PCYOX1: variants seen among roughly 807,000 people sequenced by gnomAD.
The protein encoded by PCYOX1 is prenylcysteine oxidase 1.
PCYOX1 carries 46 observed loss-of-function variants against 46.4 expected under a neutral mutation model. That is an observed-to-expected ratio of 0.99 (90% CI 0.78 to 1.27). The LOEUF is 1.27. PCYOX1 is among the 50% of genes most tolerant of loss of function. PCYOX1 has a pLI of 0.00. For missense variants in PCYOX1, 658 were observed against 628.3 expected (o/e 1.05, Z -0.51); for synonymous variants, 220 against 231.8 (o/e 0.95, Z 0.46).
rs147753874 is a variant in PCYOX1 at position 70,275,659 on chromosome 2, G to C, written c.852G>C (p.Lys284Asn). ...ACATCGAGGAGAAAACAAAGACCAA[G>C]TACACAGGTAAGCTTGAATTTCTTA... ...VMYIEEKTKT[K>N]YTGNPTKMYE... The change falls in exon 5 of 6, where the codon AAG becomes AAC. Residue 284 changes from lysine to asparagine, a missense_variant. Lys to Asn is a moderately conservative substitution (Grantham distance 94). Coordinates refer to ENST00000433351, the MANE Select transcript of PCYOX1 (RefSeq NM_016297.4). 2.5e-6 allele frequency: 4 copies of C among 1,613,350 alleles called. No individual in the cohort carries two copies. Among genetic ancestry groups the C allele is most frequent in the Non-Finnish European group, 3.4e-6 (4 of 1,179,732 alleles).
At chr2:70,275,870 G>C (rs1319360842) in intron 5 of PCYOX1, among the ~76,000 whole-genome samples, 1 of 152,068 alleles carries the variant, frequency 6.6e-6, no homozygotes. Context: ...AGGCCAAGGA[G>C]GGTGGATCAC....
At chr2:70,263,447 A>G (rs1288645239) in intron 3 of PCYOX1, among the ~76,000 whole-genome samples, 4 of 152,122 alleles carry the variant, frequency 2.6e-5, no homozygotes, top group Non-Finnish European at 5.9e-5. Context: ...GCATTGTTCT[A>G]TGTTGAGAGT....
At chr2:70,264,333 CTT>C (rs761565503) in intron 3 of PCYOX1, among the ~76,000 whole-genome samples, 1 of 137,050 alleles carries the variant, frequency 7.3e-6, no homozygotes. Context: ...TAAGAAATTA[CTT>C]TTTTTTTTTT....
At chr2:70,258,320 C>T in intron 1 of PCYOX1, 44 bp downstream of exon 1, 1 of 1,334,700 alleles carries the variant, frequency 7.5e-7, no homozygotes, top group Non-Finnish European at 1.0e-6. Context: ...GGAGCGCGCC[C>T]CGCGCCGGGC....
intron 3 of PCYOX1, among the ~76,000 whole-genome samples, chr2:70,265,916 C>G (rs1280763033): frequency 6.6e-6 from 1 of 152,102 alleles, no homozygotes; most frequent in Non-Finnish European, 1.5e-5. Context: ...ATTTCCCAAA[C>G]CCACTCTATC....
Position 70,265,182 on chromosome 2 carries a change from A to T in PCYOX1, c.494+3796A>T, listed in dbSNP as rs372567537. Among the ~76,000 whole-genome samples the T allele has an allele frequency of 8.1e-5, 12 of 148,418 alleles. No individual in the cohort carries two copies. The East Asian group carries it at 1.8e-3, about 22-fold the overall frequency. On this transcript the variant is annotated intron_variant, in intron 3 of 5. Coordinates refer to ENST00000433351, the MANE Select transcript of PCYOX1 (RefSeq NM_016297.4). ...ACATTTATGTAGTTGTTCTGGTTGG[A>T]TGCCATTCTTAACTAATTTTTTTTT...
At chr2:70,265,198 A>ATTTTTTT (rs397871875) in intron 3 of PCYOX1, among the ~76,000 whole-genome samples, 1 of 104,108 alleles carries the variant, frequency 9.6e-6, no homozygotes, top group Non-Finnish European at 2.0e-5. Context: ...TTCTTAACTA[A>ATTTTTTT]TTTTTTTTTT....
intron 5 of PCYOX1, among the ~76,000 whole-genome samples, chr2:70,275,944 C>CA (rs1696665414): frequency 6.6e-6 from 1 of 151,354 alleles, no homozygotes; most frequent in Non-Finnish European, 1.5e-5. Context: ...ACTAAAAATA[C>CA]AAAAAATTAG....
chr2:70,261,652 T>C (rs1244279994), intron 3 of PCYOX1, among the ~76,000 whole-genome samples: 1 of 152,228 alleles, frequency 6.6e-6, no homozygotes, highest in Non-Finnish European at 1.5e-5. Context: ...TGAATTCTTA[T>C]GACAACTTAC....
chr2:70,274,813 C>T, intron 3 of PCYOX1, 146 bp from the exon 4 acceptor site: 1 of 634,510 alleles, frequency 1.6e-6, no homozygotes. Flanking sequence ...ACCTGCCCAC[C>T]TCTGCCTCCC....
At chr2:70,259,307 T>A (rs1460361255) in intron 1 of PCYOX1, 53 bp from the exon 2 acceptor site, 14 of 1,508,828 alleles carry the variant, frequency 9.3e-6, no homozygotes, top group Non-Finnish European at 1.3e-5. Flanking sequence ...ACAAAACAAC[T>A]CACAGAGCTG....
chr2:70,275,130 G>A lies in PCYOX1; in HGVS notation c.666G>A (p.Arg222=), dbSNP rs769995781. The change falls in exon 4 of 6, where the codon AGG becomes AGA. Residue 222 remains arginine (R), a synonymous_variant. Transcript: ENST00000433351. ...ATGAAATGATTGCTCCTGTTATGAGGGTCAATTATGGCCAAAGCACGGACA... is the reference window on the plus strand; with the variant it reads ...ATGAAATGATTGCTCCTGTTATGAGAGTCAATTATGGCCAAAGCACGGACA... ...FLNEMIAPVM[R]VNYGQSTDIN... The A allele has an allele frequency of 6.2e-7, 1 of 1,614,092 alleles. No individual in the cohort carries two copies. The highest frequency in any genetic ancestry group is 1.1e-5 in the South Asian group (1 of 91,072).
rs1038627042 is a variant in PCYOX1, at chr2:70,276,666, G to T, written c.860-68G>T. 8 of 830,654 alleles carry T rather than the reference G, an allele frequency of 9.6e-6. No individual in the cohort carries two copies. In the East Asian group the frequency reaches 1.5e-4, roughly 15 times the overall value. The allele number at this position is 830,654 out of a possible 1,614,324, so 51.5% of individuals were successfully genotyped here. ...GAATTATAGAGAAATTATGAAGAAG[G>T]TATACAATTATTTTTAGAAGGTATG... is the stretch of plus-strand genomic sequence containing the variant. On this transcript the variant is annotated intron_variant, in intron 5 of 5. Transcript: ENST00000433351.
At chr2:70,274,598 G>C (rs1356367772) in intron 3 of PCYOX1, among the ~76,000 whole-genome samples, 6 of 105,920 alleles carry the variant, frequency 5.7e-5, no homozygotes, top group Admixed American at 4.6e-4. Flanking sequence ...CACTGTCACT[G>C]TCTGGCCCAG....
At chr2:70,263,230 TA>T (rs200696905) in intron 3 of PCYOX1, among the ~76,000 whole-genome samples, 112 of 142,570 alleles carry the variant, frequency 7.9e-4, no homozygotes, top group African/African-American at 7.6e-4. Context: ...CCAGACTGTC[TA>T]AAAAAAAAAA....
intron 2 of PCYOX1, 142 bp from the exon 3 acceptor site, chr2:70,261,070 T>C: frequency 1.8e-6 from 1 of 545,544 alleles, no homozygotes; most frequent in South Asian, 3.1e-5. Context: ...AGTGAAAGTA[T>C]AGTGTTTCAC....
intron 3 of PCYOX1, among the ~76,000 whole-genome samples, chr2:70,274,002 G>A (rs1696634091): frequency 1.3e-5 from 2 of 152,146 alleles, no homozygotes. Flanking sequence ...AATGGGAAGT[G>A]TATTCAGGTT....
chr2:70,275,265 C>CTACTTT, intron 4 of PCYOX1, 95 bp downstream of exon 4: 1 of 1,095,656 alleles, frequency 9.1e-7, no homozygotes, highest in East Asian at 2.4e-5. Context: ...GGATTGGAGG[C>CTACTTT]TACTTTTCTC....
rs1696720583 is a variant in PCYOX1 at position 70,278,760 on chromosome 2, G to C, written c.*1368G>C. On this transcript the variant is annotated 3_prime_UTR_variant, in exon 6 of 6. Transcript: ENST00000433351. ...AACAGGCAGCAAAACTTCAGAACTA[G>C]TTCTGCATCTACTGTGCAAAGATCA... 6.6e-6 allele frequency: 1 copy of C among 152,184 alleles called. No homozygotes were observed. The allele number at this position is 152,184 out of a possible 1,614,324, so 9.4% of individuals were successfully genotyped here.
Sources: allele counts gnomAD v4.1 joint callset (sites outside exome capture counted in the v4.1 genomes callset), GRCh38; gene constraint gnomAD v4.1.1; transcripts MANE v1.5; gene names NCBI Gene and HGNC (gene_info 2026-07-23, HGNC 2026-07-21).